The following INTS12 variants were observed in gnomAD, a reference collection of about 807,000 sequenced individuals.
The protein encoded by INTS12 is PHD finger protein 22.
A neutral mutation model predicts 41.6 loss-of-function variants in INTS12; 13 were observed. The ratio of observed to expected loss-of-function variants is 0.31; its 90% CI spans 0.20 to 0.50. INTS12 has a LOEUF of 0.50. Ranked by LOEUF, INTS12 falls within the 20% of genes least tolerant of loss-of-function variation. The pLI, the probability that INTS12 is intolerant of heterozygous loss-of-function variation, is 0.98. For synonymous variants in INTS12, 199 were observed against 191.4 expected (o/e 1.04, Z -0.33); for missense variants, 432 against 541.6 (o/e 0.80, Z 2.01).
At chr4:105,687,130 C>A in intron 6 of INTS12, 2 of 341,568 alleles carry the variant, frequency 5.9e-6, no homozygotes, top group South Asian at 5.7e-5. Context: ...AGAGCAAAAT[C>A]ACAAACTATA....
chr4:105,700,156 ATAAAAG>A (rs1191835889), intron 2 of INTS12, 142 bp from the exon 3 acceptor site: 2 of 473,296 alleles, frequency 4.2e-6, no homozygotes. Flanking sequence ...GTTATTACAA[ATAAAAG>A]TAAATTTCCT....
At chr4:105,707,202 G>A (rs1732308241) in intron 1 of INTS12, among the ~76,000 whole-genome samples, 1 of 152,014 alleles carries the variant, frequency 6.6e-6, no homozygotes, top group Admixed American at 6.6e-5. Context: ...TTCTCATGAA[G>A]ATTTGACTGA....
Position 105,692,021 on chromosome 4 carries a change from G to C in INTS12, c.612C>G (p.Arg204=). 6.2e-7 allele frequency: 1 copy of C among 1,608,232 alleles called. No homozygotes were observed. The highest frequency in any genetic ancestry group is 8.5e-7 in the Non-Finnish European group (1 of 1,177,482). The change falls in exon 6 of 8, where the codon CGC becomes CGG. Residue 204 remains arginine (R), a synonymous_variant. Transcript: ENST00000340139. Reference sequence around the variant, plus strand: ...TACATCGGGCACAATACCACACCAGGCGAGGGTCATTCGCTTCCTTGTCTG... The same window carrying C: ...TACATCGGGCACAATACCACACCAGCCGAGGGTCATTCGCTTCCTTGTCTG... ...QVTDKEANDP[R]LVWYCARCTR... is the part of the protein sequence containing the mutation.
intron 2 of INTS12, among the ~76,000 whole-genome samples, chr4:105,702,281 G>A (rs1320041329): frequency 7.9e-5 from 12 of 151,148 alleles, no homozygotes; most frequent in African/African-American, 2.7e-4. Context: ...GACTACAGGC[G>A]CCCGCCACCA....
chr4:105,699,782 T>C, intron 3 of INTS12, 68 bp downstream of exon 3: 1 of 1,056,004 alleles, frequency 9.5e-7, no homozygotes, highest in Non-Finnish European at 1.3e-6. Flanking sequence ...TGAGATGGTC[T>C]ATATGTTATC....
At chr4:105,696,454 G>A (rs1176994765) in intron 3 of INTS12, among the ~76,000 whole-genome samples, 1 of 152,024 alleles carries the variant, frequency 6.6e-6, no homozygotes, top group African/African-American at 2.4e-5. Context: ...TTATATAAAT[G>A]GAATCATATT....
intron 4 of INTS12, among the ~76,000 whole-genome samples, chr4:105,694,174 T>C (rs986216848): frequency 6.6e-6 from 1 of 152,140 alleles, no homozygotes; most frequent in Non-Finnish European, 1.5e-5. Context: ...CATTCCCCTA[T>C]GATAAATCAG....
Position 105,683,266 on chromosome 4 carries a change from C to G in INTS12, c.856G>C (p.Val286Leu), listed in dbSNP as rs138554330. 2.5e-6 allele frequency: 4 copies of G among 1,613,758 alleles called. No homozygotes were observed. The highest frequency in any genetic ancestry group is 3.4e-6 in the Non-Finnish European group (4 of 1,179,900). The change falls in exon 8 of 8, where the codon GTA (valine) becomes CTA (leucine). Residue 286 changes from valine (V) to leucine (L), a missense_variant. Val to Leu is a conservative substitution (Grantham distance 32). Transcript: ENST00000340139. ...NSSSASVSSS[V>L]TSGLTGWAAF... ...GCCCATCCAGTTAAGCCACTAGTTA[C>G]TGACGAGGAAACGCTGGCACTAGAA...
chr4:105,705,869 T>G (rs1732244859), intron 1 of INTS12: 1 of 152,244 alleles, frequency 6.6e-6, no homozygotes, highest in African/African-American at 2.4e-5. Flanking sequence ...TAATCTTTCT[T>G]TCTCATTAGA....
At chr4:105,706,209 A>G (rs1475273180) in intron 1 of INTS12, 3 of 147,890 alleles carry the variant, frequency 2.0e-5, no homozygotes. Context: ...TTCAACTATC[A>G]TCTCTGGGTA....
At chr4:105,703,467 C>T (rs1457429283) in intron 2 of INTS12, among the ~76,000 whole-genome samples, 181 bp downstream of exon 2, 1 of 152,090 alleles carries the variant, frequency 6.6e-6, no homozygotes, top group Non-Finnish European at 1.5e-5. Flanking sequence ...TGATTTATTG[C>T]AGTATGCCGT....
At chr4:105,700,535 CTT>C (rs370699451) in intron 2 of INTS12, among the ~76,000 whole-genome samples, 2 of 140,688 alleles carry the variant, frequency 1.4e-5, no homozygotes, top group East Asian at 2.0e-4. Context: ...TACCTCAACT[CTT>C]TTTTTTTTTT....
intron 7 of INTS12, among the ~76,000 whole-genome samples, chr4:105,683,701 G>C (rs1210254211): frequency 6.6e-6 from 1 of 151,962 alleles, no homozygotes; most frequent in African/African-American, 2.4e-5. Flanking sequence ...CAAATAACTA[G>C]GGATCATTTC....
intron 3 of INTS12, 83 bp from the exon 4 acceptor site, chr4:105,695,751 G>A (rs1731840380): frequency 1.8e-6 from 2 of 1,110,682 alleles, no homozygotes; most frequent in Admixed American, 4.6e-5. Context: ...ACAATTTTCA[G>A]TTAAAAATTA....
chr4:105,695,818 T>C (rs1005774463), intron 3 of INTS12, 150 bp from the exon 4 acceptor site: 13 of 664,848 alleles, frequency 2.0e-5, no homozygotes, highest in African/African-American at 7.4e-5. Flanking sequence ...AATAGCTTTA[T>C]TGAGAAATAA....
intron 6 of INTS12, among the ~76,000 whole-genome samples, chr4:105,689,602 C>A (rs921140344): frequency 6.6e-6 from 1 of 152,142 alleles, no homozygotes; most frequent in Admixed American, 6.5e-5. Flanking sequence ...CTGTTGATTT[C>A]TGGTACTAAT....
At chr4:105,689,776 C>T (rs1731620835) in intron 6 of INTS12, among the ~76,000 whole-genome samples, 1 of 152,036 alleles carries the variant, frequency 6.6e-6, no homozygotes. Flanking sequence ...CCTGGTGGCA[C>T]ATGCCTGTAG....
At chr4:105,685,563 T>C (rs901879422) in intron 7 of INTS12, among the ~76,000 whole-genome samples, 1 of 152,158 alleles carries the variant, frequency 6.6e-6, no homozygotes, top group Non-Finnish European at 1.5e-5. Flanking sequence ...ATATTCTTTT[T>C]CATCACATCA....
rs924629121 is a variant in INTS12 at position 105,686,996 on chromosome 4, TATC to T, written c.658-161_658-159del. 5.2e-5 allele frequency: 33 copies of T among 637,644 alleles called. No homozygotes were observed. The South Asian group carries it at 5.4e-4, about 10-fold the overall frequency. 39.5% of individuals were successfully genotyped at this position (637,644 alleles called of 1,614,324 possible). A position where few individuals can be genotyped will look rare whatever the true frequency, so the allele number is the denominator to read the frequency against. On this transcript the variant is annotated intron_variant, in intron 6 of 7. Transcript: ENST00000340139. ...ATATATATGCTCTTTGACAAATTAT[TATC>T]ATATTAATGGTCTTACAGATTGTAT...
Sources: gnomAD v4.1 joint callset for allele counts (sites outside exome capture counted in the v4.1 genomes callset) on GRCh38, gnomAD v4.1.1 for gene constraint, MANE v1.5 for transcripts, NCBI Gene and HGNC (gene_info 2026-07-23, HGNC 2026-07-21) for gene names.